CDH6: variants seen among roughly 807,000 people sequenced by gnomAD.
CDH6 encodes cadherin 6.
In CDH6, 31 loss-of-function variants were observed where a neutral mutation model predicts 78.0. The observed-to-expected ratio is 0.40, with a 90% confidence interval of 0.30 to 0.54. CDH6 has a LOEUF of 0.54. Among genes scored for constraint, CDH6 ranks in the 20% least tolerant of loss-of-function variants. The pLI, the probability that CDH6 is intolerant of heterozygous loss-of-function variation, is 0.56. For synonymous variants in CDH6, 376 were observed against 368.8 expected, an observed-to-expected ratio of 1.02 and a Z score of -0.23; for missense variants, 724 against 975.9, an observed-to-expected ratio of 0.74 and a Z score of 3.44.
At chr5:31,204,401 C>T (rs569955614) in intron 1 of CDH6, among the ~76,000 whole-genome samples, 36 of 152,132 alleles carry the variant, frequency 2.4e-4, no homozygotes, top group Non-Finnish European at 2.1e-4. Context: ...CTAGGGAGGA[C>T]GGGTACTTTA....
rs1210819446 is a variant in CDH6, at chr5:31,322,891, C to T, written c.1956C>T (p.Ile652=). ...CTTTGATCATTTCCAAAGAGGACAT[C>T]AGAGATAACATTGTCAGTTACAACG... is the stretch of plus-strand genomic sequence containing the variant. ...KEPLIISKED[I]RDNIVSYNDE... Residue 652 remains isoleucine (I), a synonymous_variant, in exon 12 of 12, where the codon ATC becomes ATT. Transcript: ENST00000265071. 6.2e-7 allele frequency: 1 copy of T among 1,614,132 alleles called. No homozygotes were observed. Among genetic ancestry groups the T allele is most frequent in the Non-Finnish European group, 8.5e-7 (1 of 1,179,998 alleles).
intron 7 of CDH6, among the ~76,000 whole-genome samples, chr5:31,306,628 G>C (rs1317152): frequency 0.32 from 48,746 of 152,002 alleles, 8,392 homozygotes; most frequent in Admixed American, 0.39. Flanking sequence ...AAAGTAAGCA[G>C]ACTGAAAAAC....
At chr5:31,304,188 A>C (rs1426171210) in intron 6 of CDH6, among the ~76,000 whole-genome samples, 3 of 152,096 alleles carry the variant, frequency 2.0e-5, no homozygotes. Flanking sequence ...AACAACAAAA[A>C]AAAAAAACTT....
At chr5:31,299,325 TA>T (rs758429549) in intron 4 of CDH6, 138 bp from the exon 5 acceptor site, 4 of 625,262 alleles carry the variant, frequency 6.4e-6, no homozygotes, top group Non-Finnish European at 1.1e-5. Context: ...AGGCTGCATA[TA>T]ATTATTTTTA....
intron 1 of CDH6, among the ~76,000 whole-genome samples, chr5:31,264,951 C>T (rs903913328): frequency 1.3e-5 from 2 of 152,162 alleles, no homozygotes; most frequent in African/African-American, 2.4e-5. Flanking sequence ...CCACAGGGAT[C>T]GATTTTTCTC....
intron 1 of CDH6, among the ~76,000 whole-genome samples, chr5:31,198,210 T>G (rs1461503056): frequency 6.6e-6 from 1 of 152,180 alleles, no homozygotes; most frequent in Non-Finnish European, 1.5e-5. Flanking sequence ...TGAGCACACA[T>G]TCATAAATGT....
At position 31,328,558 on chromosome 5, in the gene CDH6, G is replaced by C. The variant is rs1738666645; in HGVS notation, c.*5250G>C. ...ATTGCTTTGAGAGTGAACTGCCTAAGAGTAGGCCTTATAATAAATGCTATG... is the reference window on the plus strand; with the variant it reads ...ATTGCTTTGAGAGTGAACTGCCTAACAGTAGGCCTTATAATAAATGCTATG... On this transcript the variant is annotated 3_prime_UTR_variant, in exon 12 of 12. Transcript: ENST00000265071. 1 of 206,986 alleles carries C rather than the reference G, an allele frequency of 4.8e-6. No homozygotes were observed. The highest frequency in any genetic ancestry group is 9.9e-6 in the Non-Finnish European group (1 of 101,458). 12.8% of individuals were successfully genotyped at this position (206,986 alleles called of 1,614,324 possible).
intron 1 of CDH6, 42 bp from the exon 2 acceptor site, chr5:31,267,304 A>T: frequency 1.7e-6 from 1 of 579,880 alleles, no homozygotes; most frequent in Non-Finnish European, 3.1e-6. Flanking sequence ...ACTGAATTTT[A>T]AGCATCTCTA....
chr5:31,267,426 T>A lies in CDH6; in HGVS notation c.-48T>A. ...GATACGGTGCAGTGAAAAAGGCACT[T>A]CCAAGAGTGGGGCACTCACTACGCA... On this transcript the variant is annotated 5_prime_UTR_variant, in exon 2 of 12. Transcript: ENST00000265071. 7.0e-7 allele frequency: 1 copy of A among 1,437,378 alleles called. No homozygotes were observed. The highest frequency in any genetic ancestry group is 9.8e-7 in the Non-Finnish European group (1 of 1,020,780). 89.0% of individuals were successfully genotyped at this position (1,437,378 alleles called of 1,614,324 possible). A position where few individuals can be genotyped will look rare whatever the true frequency, so the allele number is the denominator to read the frequency against.
intron 11 of CDH6, chr5:31,318,694 G>T (rs984719483): frequency 4.4e-6 from 1 of 228,808 alleles, no homozygotes; most frequent in Non-Finnish European, 8.7e-6. Context: ...ATTTGTTAAT[G>T]CAGCCCTTCC....
intron 6 of CDH6, among the ~76,000 whole-genome samples, chr5:31,302,953 AAGAAGG>A (rs1737862652): frequency 1.5e-5 from 2 of 130,916 alleles, no homozygotes; most frequent in South Asian, 5.1e-4. Context: ...GAAAGAAAGA[AAGAAGG>A]AAAGAAAAGA....
intron 1 of CDH6, among the ~76,000 whole-genome samples, chr5:31,196,773 G>T (rs1477670375): frequency 6.6e-6 from 1 of 151,990 alleles, no homozygotes; most frequent in East Asian, 1.9e-4. Flanking sequence ...TAGACTTTTG[G>T]TAACTGCTGG....
rs58742714 is a variant in CDH6 at position 31,296,726 on chromosome 5, C to T, written c.524-563C>T. On this transcript the variant is annotated intron_variant, in intron 3 of 11. Transcript: ENST00000265071. ...ACATTACTTAAGTCCAAAAGTAAAG[C>T]GGGCTTTGGACAGGATTTGATCTGA... is the stretch of plus-strand genomic sequence containing the variant. Among the ~76,000 whole-genome samples the T allele has an allele frequency of 5.9e-4, 89 of 152,120 alleles. 4 individuals carry two copies. The East Asian group carries it at 0.014, about 24-fold the overall frequency.
chr5:31,252,031 A>T (rs1280141500), intron 1 of CDH6, among the ~76,000 whole-genome samples: 1 of 152,190 alleles, frequency 6.6e-6, no homozygotes, highest in East Asian at 1.9e-4. Context: ...ATTCTGGGAC[A>T]AAAATTGGAG....
chr5:31,319,334 T>C (rs965698175), intron 11 of CDH6, among the ~76,000 whole-genome samples: 6 of 152,226 alleles, frequency 3.9e-5, no homozygotes, highest in African/African-American at 1.4e-4. Flanking sequence ...ACATCTTGTT[T>C]AATCTCTTTG....
At chr5:31,194,962 T>A (rs1740123133) in intron 1 of CDH6, among the ~76,000 whole-genome samples, 1 of 151,998 alleles carries the variant, frequency 6.6e-6, no homozygotes, top group South Asian at 2.1e-4. Context: ...TATGGGGAGT[T>A]AAATGCAGGT....
chr5:31,284,592 A>G (rs1327680946), intron 2 of CDH6, among the ~76,000 whole-genome samples: 1 of 152,188 alleles, frequency 6.6e-6, no homozygotes, highest in Admixed American at 6.5e-5. Context: ...GGTCCAGTAG[A>G]AGGACAAAGA....
At chr5:31,234,297 A>T (rs1371663435) in intron 1 of CDH6, among the ~76,000 whole-genome samples, 2 of 152,350 alleles carry the variant, frequency 1.3e-5, no homozygotes, top group Non-Finnish European at 2.9e-5. Context: ...GTAAATCTGT[A>T]AATTTCTATA....
chr5:31,317,297 A>G, intron 9 of CDH6, 78 bp from the exon 10 acceptor site: 1 of 731,200 alleles, frequency 1.4e-6, no homozygotes, highest in Non-Finnish European at 2.4e-6. Context: ...TCATTTTGTC[A>G]AGCAATTTAT....
Sources: gnomAD v4.1 joint callset for allele counts (sites outside exome capture counted in the v4.1 genomes callset) on GRCh38, gnomAD v4.1.1 for gene constraint, MANE v1.5 for transcripts, NCBI Gene and HGNC (gene_info 2026-07-23, HGNC 2026-07-21) for gene names.